SCLT1: variants seen among roughly 807,000 people sequenced by gnomAD.
The protein encoded by SCLT1 is sodium channel-associated protein 1.
SCLT1 carries 78 observed loss-of-function variants against 112.8 expected under a neutral mutation model. That is an observed-to-expected ratio of 0.69 (90% CI 0.58 to 0.83). The LOEUF (loss-of-function observed/expected upper bound fraction) is 0.83. Among genes scored for constraint, SCLT1 ranks in the 40% least tolerant of loss-of-function variants. The pLI, the probability that SCLT1 is intolerant of heterozygous loss-of-function variation, is 0.00. For synonymous variants in SCLT1, 257 were observed against 254.7 expected (o/e 1.01, Z -0.09); for missense variants, 747 against 770.4 (o/e 0.97, Z 0.36).
At chr4:129,085,843 G>A (rs559478369) in intron 1 of SCLT1, among the ~76,000 whole-genome samples, 7 of 152,110 alleles carry the variant, frequency 4.6e-5, no homozygotes, top group African/African-American at 7.2e-5. Flanking sequence ...CAACACACAC[G>A]GTGGCCTATT....
intron 13 of SCLT1, among the ~76,000 whole-genome samples, chr4:128,953,734 G>C (rs1249347775): frequency 6.6e-6 from 1 of 150,592 alleles, no homozygotes; most frequent in Non-Finnish European, 1.5e-5. Flanking sequence ...GGGAGGCAGA[G>C]CTTGCAGTGA....
Position 128,897,957 on chromosome 4 carries a change from C to G in SCLT1, c.1830-6820G>C, listed in dbSNP as rs193099315. Among the ~76,000 whole-genome samples the G allele has an allele frequency of 1.4e-3, 220 of 152,222 alleles. 1 individual carries two copies. The highest frequency in any genetic ancestry group is 5.0e-3 in the African/African-American group (208 of 41,514). Reference sequence around the variant, plus strand: ...TTACATAATGGTAAAGGGATCAACTCAACAAGAAGAGCTAACTATCTTAAA... The same window carrying G: ...TTACATAATGGTAAAGGGATCAACTGAACAAGAAGAGCTAACTATCTTAAA... On this transcript the variant is annotated intron_variant, in intron 18 of 20. Coordinates refer to ENST00000281142, the MANE Select transcript of SCLT1 (RefSeq NM_144643.4).
chr4:129,010,397 G>A (rs1744412052), intron 5 of SCLT1, among the ~76,000 whole-genome samples: 1 of 152,132 alleles, frequency 6.6e-6, no homozygotes, highest in Non-Finnish European at 1.5e-5. Flanking sequence ...TGGCTATCTG[G>A]ACTCTTTTTT....
downstream of SCLT1, among the ~76,000 whole-genome samples, chr4:128,879,330 G>T (rs1284011401): frequency 6.6e-6 from 1 of 152,182 alleles, no homozygotes; most frequent in Non-Finnish European, 1.5e-5. Context: ...AGAGCATCTA[G>T]ATGTTTACAG....
At chr4:128,970,650 G>A (rs1740615055) in intron 9 of SCLT1, 182 bp from the exon 10 acceptor site, 2 of 543,428 alleles carry the variant, frequency 3.7e-6, no homozygotes, top group Admixed American at 3.3e-5. Context: ...ATATTAAAGA[G>A]GAAAAAATAT....
intron 2 of SCLT1, among the ~76,000 whole-genome samples, chr4:129,079,215 C>T (rs950427614): frequency 3.3e-5 from 5 of 152,106 alleles, no homozygotes; most frequent in South Asian, 2.1e-4. Flanking sequence ...AAAATACAAT[C>T]GTCCCTCCTC....
chr4:129,084,110 C>T (rs980005303), intron 1 of SCLT1, among the ~76,000 whole-genome samples: 6 of 152,110 alleles, frequency 3.9e-5, no homozygotes, highest in African/African-American at 1.4e-4. Context: ...ATGTTGAAAA[C>T]TTTCCCTTGA....
At chr4:129,011,956 A>C (rs959668352) in intron 5 of SCLT1, among the ~76,000 whole-genome samples, 1 of 151,752 alleles carries the variant, frequency 6.6e-6, no homozygotes, top group South Asian at 2.1e-4. Context: ...CTAATGGTCT[A>C]TTTTATTAAT....
chr4:128,984,831 T>C (rs1191033223), intron 9 of SCLT1, among the ~76,000 whole-genome samples: 2 of 152,144 alleles, frequency 1.3e-5, no homozygotes, highest in Non-Finnish European at 2.9e-5. Context: ...TTTTGTTTTT[T>C]TGCTCATTCC....
intron 18 of SCLT1, among the ~76,000 whole-genome samples, chr4:128,933,552 T>G (rs1459942866): frequency 1.3e-5 from 2 of 152,128 alleles, no homozygotes; most frequent in Non-Finnish European, 2.9e-5. Context: ...AGGCTTATCT[T>G]GTACTCTCCT....
rs73847322 is a variant in SCLT1 at position 128,972,750 on chromosome 4, C to A, written c.687-2282G>T. Among the ~76,000 whole-genome samples the A allele has an allele frequency of 3.8e-3, 572 of 152,260 alleles. 1 individual carries two copies. The highest frequency in any genetic ancestry group is 0.011 in the African/African-American group (474 of 41,546). On this transcript the variant is annotated intron_variant, in intron 9 of 20. Transcript: ENST00000281142. The stretch of plus-strand genomic sequence containing the variant: ...CTTCATTATCACTCATAAGACTATT[C>A]CAGTAGATTCCAAACTCATCTCTTC...
At chr4:129,055,535 G>T (rs564811436) in intron 2 of SCLT1, among the ~76,000 whole-genome samples, 1 of 152,160 alleles carries the variant, frequency 6.6e-6, no homozygotes, top group Non-Finnish European at 1.5e-5. Flanking sequence ...ATTGTGTTGA[G>T]TTCTGCCCAG....
chr4:128,952,750 T>C lies in SCLT1; in HGVS notation c.1218+19A>G, dbSNP rs1292849294. On this transcript the variant is annotated intron_variant, in intron 14 of 20. Transcript: ENST00000281142. ...AATAAGTAATATTTGGAAGAAAATA[T>C]CAGTATAGTCAAACATACCATTTGA... 8.0e-7 allele frequency: 1 copy of C among 1,251,888 alleles called. No individual in the cohort carries two copies. Among genetic ancestry groups the C allele is most frequent in the Non-Finnish European group, 1.2e-6 (1 of 850,842 alleles). 77.5% of individuals were successfully genotyped at this position (1,251,888 alleles called of 1,614,324 possible). A position where few individuals can be genotyped will look rare whatever the true frequency, so the allele number is the denominator to read the frequency against.
In SCLT1 at chr4:128,885,051, C is replaced by A. The variant is rs568771603; in HGVS notation, c.2005-512G>T. The stretch of plus-strand genomic sequence containing the variant: ...AGACATTCTATAGCTCAGGGTGATA[C>A]GCTTAGAATTGTAAAACATATTCCA... On this transcript the variant is annotated intron_variant, in intron 20 of 20. Transcript: ENST00000281142. Among the ~76,000 whole-genome samples, 9 of 152,240 alleles carry A rather than the reference C, an allele frequency of 5.9e-5. No homozygotes were observed. The South Asian group carries it at 1.9e-3, about 32-fold the overall frequency.
chr4:129,075,538 A>C (rs1751388800), intron 2 of SCLT1, among the ~76,000 whole-genome samples: 1 of 152,166 alleles, frequency 6.6e-6, no homozygotes, highest in African/African-American at 2.4e-5. Context: ...CCAATACAAA[A>C]GCTTCAAGCA....
At chr4:128,939,960 T>C (rs1188087918) in intron 17 of SCLT1, among the ~76,000 whole-genome samples, 3 of 152,196 alleles carry the variant, frequency 2.0e-5, no homozygotes, top group African/African-American at 4.8e-5. Flanking sequence ...CTCCATAAAA[T>C]AGAATTATAG....
At chr4:128,901,113 C>A (rs1734254343) in intron 18 of SCLT1, among the ~76,000 whole-genome samples, 1 of 152,148 alleles carries the variant, frequency 6.6e-6, no homozygotes, top group Admixed American at 6.5e-5. Context: ...GTCAGTGAGG[C>A]AATTCCTCAG....
At chr4:129,024,426 C>T (rs1469695430) in intron 5 of SCLT1, among the ~76,000 whole-genome samples, 1 of 152,174 alleles carries the variant, frequency 6.6e-6, no homozygotes, top group African/African-American at 2.4e-5. Context: ...GCTGCTGTTA[C>T]CCAGGCAAAC....
chr4:128,996,841 C>A (rs1297732488), intron 8 of SCLT1, among the ~76,000 whole-genome samples: 1 of 151,944 alleles, frequency 6.6e-6, no homozygotes, highest in Non-Finnish European at 1.5e-5. Flanking sequence ...TTTCCCATGA[C>A]TTTCTTTCAT....
Sources: allele counts gnomAD v4.1 joint callset (sites outside exome capture counted in the v4.1 genomes callset), GRCh38; gene constraint gnomAD v4.1.1; transcripts MANE v1.5; gene names NCBI Gene and HGNC (gene_info 2026-07-23, HGNC 2026-07-21).